Variants in HOTAIR observed in about 807,000 individuals in gnomAD.
HOTAIR encodes the protein HOX transcript antisense RNA (non-protein coding).
At chr12:53,974,009 C>G (rs1244204977) in intron 1 of HOTAIR, 1 of 1,168,678 alleles carries the variant, frequency 8.6e-7, no homozygotes, top group African/African-American at 1.6e-5. Context: ...GCAAGGGGAG[C>G]GGGGACGGCC....
chr12:53,971,606 T>G (rs1030803322), intron 1 of HOTAIR, among the ~76,000 whole-genome samples: 1 of 152,212 alleles, frequency 6.6e-6, no homozygotes, highest in African/African-American at 2.4e-5. Flanking sequence ...TTCGGGCTAT[T>G]TTTTGTTTTC....
chr12:53,972,378 A>G (rs1423990535), intron 1 of HOTAIR, among the ~76,000 whole-genome samples: 1 of 152,168 alleles, frequency 6.6e-6, no homozygotes, highest in African/African-American at 2.4e-5. Context: ...ATTTAACACA[A>G]CATTAGAGAA....
At chr12:53,962,953 C>T (rs1245693827) in exon 7 of HOTAIR, 2 of 152,136 alleles carry the variant, frequency 1.3e-5, no homozygotes. Context: ...TCTTCTAGAC[C>T]TAATATAAGC....
In HOTAIR at chr12:53,973,245, T is replaced by C; in HGVS notation, n.59+1653A>G. 6.3e-7 allele frequency: 1 copy of C among 1,591,348 alleles called. No homozygotes were observed. On this transcript the variant is annotated intron_variant and non_coding_transcript_variant, in intron 1 of 6. Transcript: ENST00000424518. The surrounding 1 kb of genome is among the most constrained non-coding windows in gnomAD (Gnocchi z 4.3). ...GAGCCGGCAGGAGAGGAGAACGATG[T>C]TTAACTCGGTCAACCTGGGCAACTT... is the stretch of plus-strand genomic sequence containing the variant.
Position 53,970,895 on chromosome 12 carries a change from G to C in HOTAIR, n.60-2139C>G, listed in dbSNP as rs531296562. 1.5e-3 allele frequency among the ~76,000 whole-genome samples: 230 copies of C among 152,300 alleles called. 1 individual carries two copies. The highest frequency in any genetic ancestry group is 5.0e-3 in the African/African-American group (207 of 41,554). ...CCCACATCACCCTGGAGGGCCAGGAGGGGGAAGGAAGCAGAGCCTTGGGTG... is the reference window on the plus strand; with the variant it reads ...CCCACATCACCCTGGAGGGCCAGGACGGGGAAGGAAGCAGAGCCTTGGGTG... On this transcript the variant is annotated intron_variant and non_coding_transcript_variant, in intron 1 of 6. Coordinates refer to ENST00000424518, the Ensembl canonical transcript of HOTAIR.
At chr12:53,963,282 T>C (rs1938986679) in exon 7 of HOTAIR, 1 of 152,252 alleles carries the variant, frequency 6.6e-6, no homozygotes, top group African/African-American at 2.4e-5. Context: ...GGGCTGGGTC[T>C]ACACAAGTAG....
intron 1 of HOTAIR, chr12:53,968,914 G>C (rs937062129): frequency 6.6e-6 from 1 of 152,078 alleles, no homozygotes; most frequent in African/African-American, 2.4e-5. Context: ...GGATTGATTA[G>C]CTGTTTGTTC....
chr12:53,965,928 C>A (rs1285177899), intron 5 of HOTAIR: 1 of 152,030 alleles, frequency 6.6e-6, no homozygotes, highest in African/African-American at 2.4e-5. Flanking sequence ...TGGGCGGGGG[C>A]GCCATGACAA....
chr12:53,967,538 C>T (rs1415648040), intron 2 of HOTAIR: 1 of 152,252 alleles, frequency 6.6e-6, no homozygotes, highest in Non-Finnish European at 1.5e-5. Context: ...GGGCAAAGTG[C>T]CACTTATGTT....
In HOTAIR at chr12:53,973,764, G is replaced by C. The variant is rs776956613; in HGVS notation, n.59+1134C>G. On this transcript the variant is annotated intron_variant and non_coding_transcript_variant, in intron 1 of 6. Coordinates refer to ENST00000424518, the Ensembl canonical transcript of HOTAIR. This position sits in a 1 kb window ranked among gnomAD's most constrained non-coding sequence, Gnocchi z 4.3. ...CGCCGAGCCCCCCTGCTCCGGCAAG[G>C]GCGAGGCCAAGGGGGAGCCCGAGGC... 1 of 1,611,842 alleles carries C rather than the reference G, an allele frequency of 6.2e-7. No homozygotes were observed. Among genetic ancestry groups the C allele is most frequent in the South Asian group, 1.1e-5 (1 of 90,994 alleles).
chr12:53,971,429 G>A (rs1253687354), intron 1 of HOTAIR, among the ~76,000 whole-genome samples: 2 of 152,242 alleles, frequency 1.3e-5, no homozygotes, highest in Admixed American at 6.5e-5. Context: ...GAGCATTGAG[G>A]AGGAATGGAT....
rs1333611830 is a variant in HOTAIR, at chr12:53,973,831, C to T, written n.59+1067G>A. On this transcript the variant is annotated intron_variant and non_coding_transcript_variant, in intron 1 of 6. Transcript: ENST00000424518. This position sits in a 1 kb window ranked among gnomAD's most constrained non-coding sequence, Gnocchi z 4.3. The stretch of plus-strand genomic sequence containing the variant: ...CTGGCGTCCCGGGCTGAGGCGGGTG[C>T]CGAGGCGGAGGCTGAGGAGGAGAAC... 2 of 1,451,310 alleles carry T rather than the reference C, an allele frequency of 1.4e-6. No individual in the cohort carries two copies. Among genetic ancestry groups the T allele is most frequent in the Admixed American group, 2.6e-5 (1 of 38,760 alleles). The allele number at this position is 1,451,310 out of a possible 1,614,324, so 89.9% of individuals were successfully genotyped here. A position where few individuals can be genotyped will look rare whatever the true frequency, so the allele number is the denominator to read the frequency against.
chr12:53,964,916 T>G (rs1027106581), intron 5 of HOTAIR, among the ~76,000 whole-genome samples: 1 of 152,242 alleles, frequency 6.6e-6, no homozygotes, highest in Non-Finnish European at 1.5e-5. Context: ...GGCTTTACTT[T>G]GTCAGCATAG....
chr12:53,974,917 T>A, exon 1 of HOTAIR: 1 of 475,784 alleles, frequency 2.1e-6, no homozygotes, highest in Non-Finnish European at 3.7e-6. Context: ...TTTCCTTCTG[T>A]CCCAGACCCT....
chr12:53,974,646 C>A (rs1939219810), intron 1 of HOTAIR, among the ~76,000 whole-genome samples: 2 of 151,562 alleles, frequency 1.3e-5, no homozygotes, highest in South Asian at 4.2e-4. Context: ...GTGTGGAAGG[C>A]GCTGCCCCGC....
At chr12:53,968,941 C>T (rs1295510648) in intron 1 of HOTAIR, 2 of 152,196 alleles carry the variant, frequency 1.3e-5, no homozygotes, top group Non-Finnish European at 2.9e-5. Flanking sequence ...GCATTTTCGA[C>T]CCAGGCATCT....
intron 3 of HOTAIR, among the ~76,000 whole-genome samples, chr12:53,966,979 G>C (rs1259016537): frequency 1.3e-5 from 2 of 152,364 alleles, no homozygotes; most frequent in South Asian, 2.1e-4. Context: ...TGAACAGAGA[G>C]AAAGAAGGAG....
intron 5 of HOTAIR, among the ~76,000 whole-genome samples, chr12:53,965,465 C>T (rs1022891691): frequency 6.6e-6 from 1 of 152,248 alleles, no homozygotes; most frequent in African/African-American, 2.4e-5. Context: ...GGCCTTCCCC[C>T]TCTCCCCCAG....
chr12:53,970,282 T>C (rs1264005463), intron 1 of HOTAIR, among the ~76,000 whole-genome samples: 2 of 152,092 alleles, frequency 1.3e-5, no homozygotes, highest in South Asian at 4.1e-4. Flanking sequence ...AAGGAAGGGA[T>C]TGGGGGCCAG....
Sources: gnomAD v4.1 joint callset for allele counts (sites outside exome capture counted in the v4.1 genomes callset) on GRCh38, gnomAD v4.1.1 for gene constraint, Gnocchi (gnomAD v3.1) non-coding constraint, MANE v1.5 for transcripts, NCBI Gene and HGNC (gene_info 2026-07-23, HGNC 2026-07-21) for gene names.